The following MAP3K4 variants were observed in gnomAD, a reference collection of about 807,000 sequenced individuals.
MAP3K4 encodes MAP three kinase 1.
MAP3K4 carries 67 observed loss-of-function variants against 185.6 expected under a neutral mutation model. The ratio of observed to expected loss-of-function variants is 0.36; its 90% confidence interval spans 0.30 to 0.44. The LOEUF (loss-of-function observed/expected upper bound fraction) is 0.44, where lower values mean the gene tolerates loss of function less well. Among genes scored for constraint, MAP3K4 ranks in the 20% least tolerant of loss-of-function variants. The pLI, the probability that MAP3K4 is intolerant of heterozygous loss-of-function variation, is 1.00. For synonymous variants in MAP3K4, 702 were observed against 710.4 expected (o/e 0.99, Z 0.19); for missense variants, 1,551 against 1,995.1 (o/e 0.78, Z 4.24).
rs2114866774 is a variant in MAP3K4, at chr6:161,091,154, TTATAACTAGACTG to T, written c.2974-221_2974-209del. 6.6e-6 allele frequency among the ~76,000 whole-genome samples: 1 copy of T among 152,324 alleles called. No individual in the cohort carries two copies. Among genetic ancestry groups the T allele is most frequent in the South Asian group, 2.1e-4 (1 of 4,828 alleles). On this transcript the variant is annotated intron_variant, in intron 11 of 26. Transcript: ENST00000392142. This position sits in a 1 kb window ranked among gnomAD's most constrained non-coding sequence, Gnocchi z 5.5. ...TAAAAGCATCTATTCCAAGAGCAGA[TTATAACTAGACTG>T]TATCATTTTAAATGCATTTTTTTCT...
In MAP3K4 at chr6:161,098,145, CAAAG is replaced by C. The variant is rs1777653677; in HGVS notation, c.3525-130_3525-127del. 43 of 1,124,760 alleles carry C rather than the reference CAAAG, an allele frequency of 3.8e-5. No homozygotes were observed. The South Asian group carries it at 5.8e-4, about 15-fold the overall frequency. The allele number at this position is 1,124,760 out of a possible 1,614,324, so 69.7% of individuals were successfully genotyped here. On this transcript the variant is annotated intron_variant, in intron 16 of 26. Transcript: ENST00000392142. The surrounding 1 kb of genome is among the most constrained non-coding windows in gnomAD (Gnocchi z 4.4). ...CTTTTTTACACCTAGACTCAAATCT[CAAAG>C]AACAATTTGCATTTTATATTTTTAA...
rs1224271582 is a variant in MAP3K4, at chr6:161,049,801, A to G, written c.1529A>G (p.Asp510Gly). 13 of 1,614,114 alleles carry G rather than the reference A, an allele frequency of 8.1e-6. No individual in the cohort carries two copies. Among genetic ancestry groups the G allele is most frequent in the Non-Finnish European group, 1.1e-5 (13 of 1,180,008 alleles). Reference sequence around the variant, plus strand: ...GATTCTCTTGGCTGGGGAGCACCAGACTGGAGCACAGAAGCAGGCTTTAGT... The same window carrying G: ...GATTCTCTTGGCTGGGGAGCACCAGGCTGGAGCACAGAAGCAGGCTTTAGT... Reference protein sequence around the residue: ...EDDSLGWGAPDWSTEAGFSRH... With the variant: ...EDDSLGWGAPGWSTEAGFSRH... The change falls in exon 3 of 27, where the codon GAC (aspartate) becomes GGC (glycine). Residue 510 changes from aspartate to glycine, a missense_variant. Physicochemically the swap from Asp to Gly is moderately conservative, Grantham distance 94. Coordinates refer to ENST00000392142, the MANE Select transcript of MAP3K4 (RefSeq NM_005922.4). This position sits in a 1 kb window ranked among gnomAD's most constrained non-coding sequence, Gnocchi z 8.4.
At chr6:161,032,810 C>T (rs1284096584) in intron 1 of MAP3K4, among the ~76,000 whole-genome samples, 2 of 152,102 alleles carry the variant, frequency 1.3e-5, no homozygotes, top group African/African-American at 4.8e-5. Context: ...GCATTTAAAA[C>T]GTATTTCTAA....
At chr6:161,036,397 A>G (rs563270623) in intron 2 of MAP3K4, among the ~76,000 whole-genome samples, 1 of 152,308 alleles carries the variant, frequency 6.6e-6, no homozygotes, top group South Asian at 2.1e-4. Context: ...TGTTGCAGGA[A>G]ATTCAGAAAA....
Position 161,111,865 on chromosome 6 carries a change from T to G in MAP3K4, c.4426T>G (p.Leu1476Val). 4 of 1,614,144 alleles carry G rather than the reference T, an allele frequency of 2.5e-6. No homozygotes were observed. The highest frequency in any genetic ancestry group is 3.4e-6 in the Non-Finnish European group (4 of 1,179,998). Reference sequence around the variant, plus strand: ...CAATATCTTCCTTACCTCATCTGGATTAATCAAACTGGGAGATTTTGGATG... The same window carrying G: ...CAATATCTTCCTTACCTCATCTGGAGTAATCAAACTGGGAGATTTTGGATG... ...GANIFLTSSG[L>V]IKLGDFGCSV... The change falls in exon 24 of 27, where the codon TTA becomes GTA. Residue 1476 changes from leucine (L) to valine (V), a missense_variant. Physicochemically the swap from Leu to Val is conservative, Grantham distance 32 (BLOSUM62 1). Coordinates refer to ENST00000392142, the MANE Select transcript of MAP3K4 (RefSeq NM_005922.4).
chr6:161,010,553 A>G (rs1042054983), intron 1 of MAP3K4, among the ~76,000 whole-genome samples: 2 of 152,128 alleles, frequency 1.3e-5, no homozygotes, highest in Non-Finnish European at 2.9e-5. Context: ...TTGTTTTCCT[A>G]CTTAGTCCAA....
intron 1 of MAP3K4, among the ~76,000 whole-genome samples, chr6:161,015,618 C>G (rs1371613332): frequency 1.3e-5 from 2 of 152,106 alleles, no homozygotes; most frequent in Admixed American, 1.3e-4. Flanking sequence ...CCTCAGGAAG[C>G]TTCCACTCAA....
rs116403843 is a variant in MAP3K4 at position 161,109,640 on chromosome 6, T to C, written c.4237-115T>C. On this transcript the variant is annotated intron_variant, in intron 22 of 26. Coordinates refer to ENST00000392142, the MANE Select transcript of MAP3K4 (RefSeq NM_005922.4). The surrounding 1 kb of genome is among the most constrained non-coding windows in gnomAD (Gnocchi z 5.7). The stretch of plus-strand genomic sequence containing the variant: ...AGTGCTCAGGATGGCAAGTGTAGTA[T>C]ACCGTTAGAAAGAACATTCCTTTGG... The C allele has an allele frequency of 3.9e-4, 399 of 1,031,776 alleles. 1 individual carries two copies. In the African/African-American group the frequency reaches 5.7e-3, roughly 15 times the overall value. 63.9% of individuals were successfully genotyped at this position (1,031,776 alleles called of 1,614,324 possible). A position where few individuals can be genotyped will look rare whatever the true frequency, so the allele number is the denominator to read the frequency against.
rs1004741440 is a variant in MAP3K4 at position 160,996,883 on chromosome 6, G to A, written c.152+4800G>A. ...AAGGGAAATGAGTTGAATGATCCCG[G>A]TGACTCATGTTAGCAGACCAGTGAG... is the stretch of plus-strand genomic sequence containing the variant. On this transcript the variant is annotated intron_variant, in intron 1 of 26. Transcript: ENST00000392142. The surrounding 1 kb of genome is among the most constrained non-coding windows in gnomAD (Gnocchi z 4.5). Among the ~76,000 whole-genome samples, 3 of 152,168 alleles carry A rather than the reference G, an allele frequency of 2.0e-5. No individual in the cohort carries two copies. Among genetic ancestry groups the A allele is most frequent in the Non-Finnish European group, 2.9e-5 (2 of 68,026 alleles).
intron 3 of MAP3K4, among the ~76,000 whole-genome samples, chr6:161,069,261 A>G (rs1784830377): frequency 6.6e-6 from 1 of 152,194 alleles, no homozygotes; most frequent in East Asian, 1.9e-4. Flanking sequence ...CACCGTCTCT[A>G]TCATGAAAGT....
At chr6:161,030,448 T>G (rs892371266) in intron 1 of MAP3K4, among the ~76,000 whole-genome samples, 1 of 152,144 alleles carries the variant, frequency 6.6e-6, no homozygotes, top group Non-Finnish European at 1.5e-5. Context: ...TTTGTTTGTT[T>G]GTTTGTTTGA....
chr6:161,062,341 T>C (rs1784519970), intron 3 of MAP3K4, among the ~76,000 whole-genome samples: 1 of 152,254 alleles, frequency 6.6e-6, no homozygotes. Flanking sequence ...CAGCCGTGTA[T>C]GACAGTACTT....
rs1785515101 is a variant in MAP3K4 at position 161,082,723 on chromosome 6, G to C, written c.2255+1685G>C. Among the ~76,000 whole-genome samples, 1 of 152,134 alleles carries C rather than the reference G, an allele frequency of 6.6e-6. No individual in the cohort carries two copies. Among genetic ancestry groups the C allele is most frequent in the Non-Finnish European group, 1.5e-5 (1 of 68,036 alleles). The stretch of plus-strand genomic sequence containing the variant: ...TGGGTGCCCTTTGAGGGTATATCCA[G>C]AATCTGACCTCTGCCTCTCAAGCAC... On this transcript the variant is annotated intron_variant, in intron 6 of 26. Transcript: ENST00000392142. This position sits in a 1 kb window ranked among gnomAD's most constrained non-coding sequence, Gnocchi z 4.2.
chr6:161,116,448 G>GGGAAA lies in MAP3K4; in HGVS notation c.4807-392_4807-388dup. 6.6e-6 allele frequency among the ~76,000 whole-genome samples: 1 copy of GGGAAA among 152,150 alleles called. No individual in the cohort carries two copies. Among genetic ancestry groups the GGGAAA allele is most frequent in the Middle Eastern group, 3.4e-3 (1 of 294 alleles). ...AAGGGCCCTGCAGGAGAGAGTCCCT[G>GGGAAA]GGAAAGGAAAGGAAGGGGCAGAAGA... is the stretch of plus-strand genomic sequence containing the variant. On this transcript the variant is annotated intron_variant, in intron 26 of 26. Transcript: ENST00000392142. The surrounding 1 kb of genome is among the most constrained non-coding windows in gnomAD (Gnocchi z 6.2).
rs1440916971 is a variant in MAP3K4, at chr6:161,082,498, C to T, written c.2255+1460C>T. Among the ~76,000 whole-genome samples the T allele has an allele frequency of 1.3e-5, 2 of 151,796 alleles. No homozygotes were observed. The highest frequency in any genetic ancestry group is 2.1e-4 in the South Asian group (1 of 4,818). The stretch of plus-strand genomic sequence containing the variant: ...CTCTGGCCTTTGCTTTCATGATCCT[C>T]GCCCTGAGAAGCTCCAGGGCTTTTT... On this transcript the variant is annotated intron_variant, in intron 6 of 26. Transcript: ENST00000392142. The surrounding 1 kb of genome is among the most constrained non-coding windows in gnomAD (Gnocchi z 4.2).
rs1314031578 is a variant in MAP3K4, at chr6:160,996,156, T to C, written c.152+4073T>C. ...GTTCTCCCTGGCAAAGTCAGCCTCC[T>C]GTGGTGCTCCAGACTGTTGGTGTAG... is the stretch of plus-strand genomic sequence containing the variant. On this transcript the variant is annotated intron_variant, in intron 1 of 26. Coordinates refer to ENST00000392142, the MANE Select transcript of MAP3K4 (RefSeq NM_005922.4). This position sits in a 1 kb window ranked among gnomAD's most constrained non-coding sequence, Gnocchi z 4.5. Among the ~76,000 whole-genome samples, 1 of 152,194 alleles carries C rather than the reference T, an allele frequency of 6.6e-6. No individual in the cohort carries two copies. The highest frequency in any genetic ancestry group is 1.5e-5 in the Non-Finnish European group (1 of 68,032).
At chr6:161,005,040 C>T (rs1240947008) in intron 1 of MAP3K4, among the ~76,000 whole-genome samples, 1 of 152,108 alleles carries the variant, frequency 6.6e-6, no homozygotes, top group Non-Finnish European at 1.5e-5. Flanking sequence ...CCAGTCTTGA[C>T]CATGACAAAT....
chr6:161,000,783 A>G (rs1037043408), intron 1 of MAP3K4, among the ~76,000 whole-genome samples: 3 of 149,608 alleles, frequency 2.0e-5, no homozygotes, highest in African/African-American at 7.5e-5. Flanking sequence ...GTGTACACCC[A>G]TATATACACA....
intron 25 of MAP3K4, among the ~76,000 whole-genome samples, chr6:161,113,243 CA>C (rs1778430624): frequency 6.6e-6 from 1 of 152,192 alleles, no homozygotes; most frequent in Non-Finnish European, 1.5e-5. Context: ...ACCTTCAATG[CA>C]TGTGGCTAAG....
Sources: gnomAD v4.1 joint callset for allele counts (sites outside exome capture counted in the v4.1 genomes callset) on GRCh38, gnomAD v4.1.1 for gene constraint, Gnocchi (gnomAD v3.1) non-coding constraint, MANE v1.5 for transcripts, NCBI Gene and HGNC (gene_info 2026-07-23, HGNC 2026-07-21) for gene names.